Variants in KLHL32 observed in about 807,000 individuals in gnomAD.
KLHL32 encodes the protein kelch-like protein 32.
In KLHL32, 35 loss-of-function variants were observed where a neutral mutation model predicts 64.8. The ratio of observed to expected loss-of-function variants is 0.54; its 90% CI spans 0.41 to 0.72. KLHL32 has a LOEUF of 0.72. KLHL32 is among the 30% of genes least tolerant of loss of function. KLHL32 has a pLI of 0.00. For missense variants in KLHL32, 589 were observed against 768.5 expected (o/e 0.77, Z 2.76); for synonymous variants, 259 against 281.0 (o/e 0.92, Z 0.78).
chr6:96,932,002 A>T (rs1338528196), intron 1 of KLHL32, among the ~76,000 whole-genome samples: 3 of 152,080 alleles, frequency 2.0e-5, no homozygotes, highest in Admixed American at 1.3e-4. Flanking sequence ...TGAGTGGAGG[A>T]GATTTATTTT....
intron 1 of KLHL32, among the ~76,000 whole-genome samples, chr6:96,950,244 A>G (rs202232259): frequency 6.6e-6 from 1 of 151,728 alleles, no homozygotes; most frequent in East Asian, 1.9e-4. Context: ...AAAAAAAACC[A>G]TTAGCTCTCT....
At position 96,992,336 on chromosome 6, in the gene KLHL32, G is replaced by A. The variant is rs185536892; in HGVS notation, c.204+16159G>A. On this transcript the variant is annotated intron_variant, in intron 3 of 10. Transcript: ENST00000369261. ...TGTGGGGGGCCTCCCCTGGCTCTTC[G>A]CCTCTCCCCGGTGGGCAGTTGTCCT... 2.4e-3 allele frequency among the ~76,000 whole-genome samples: 364 copies of A among 152,314 alleles called. 1 individual carries two copies. Among genetic ancestry groups the A allele is most frequent in the African/African-American group, 8.5e-3 (354 of 41,574 alleles).
intron 3 of KLHL32, among the ~76,000 whole-genome samples, chr6:97,040,424 G>C (rs546126523): frequency 6.6e-6 from 1 of 152,144 alleles, no homozygotes; most frequent in South Asian, 2.1e-4. Flanking sequence ...TTGGAGAATT[G>C]GTTGGGGGCA....
chr6:96,994,504 G>A (rs1778215376), intron 3 of KLHL32: 10 of 985,160 alleles, frequency 1.0e-5, no homozygotes, highest in Non-Finnish European at 1.1e-5. Context: ...CTGATATTTG[G>A]CAGTTTATTT....
At chr6:97,070,038 T>TTA (rs1454851429) in intron 5 of KLHL32, among the ~76,000 whole-genome samples, 1 of 151,916 alleles carries the variant, frequency 6.6e-6, no homozygotes, top group Non-Finnish European at 1.5e-5. Flanking sequence ...TGAGGAGAAG[T>TTA]TATAACTCAT....
intron 3 of KLHL32, among the ~76,000 whole-genome samples, chr6:97,015,041 T>C (rs1290423291): frequency 6.6e-6 from 1 of 152,162 alleles, no homozygotes; most frequent in Non-Finnish European, 1.5e-5. Context: ...TGGGGCTCTT[T>C]TTCCTTCACT....
chr6:97,005,572 A>G (rs1779568733), intron 3 of KLHL32, among the ~76,000 whole-genome samples: 1 of 151,982 alleles, frequency 6.6e-6, no homozygotes, highest in Admixed American at 6.6e-5. Context: ...GTGTGATATT[A>G]GGTTGTTAAT....
chr6:97,024,017 C>T (rs1255622300), intron 3 of KLHL32, among the ~76,000 whole-genome samples: 2 of 152,164 alleles, frequency 1.3e-5, no homozygotes, highest in Non-Finnish European at 1.5e-5. Flanking sequence ...TAATTTGTCA[C>T]CTAAATCATA....
rs1283867347 is a variant in KLHL32, at chr6:97,064,731, G to T, written c.411+5G>T. ...TGCTCCCACTATCTCATCCAGGTAT[G>T]TGAGCTTGCATCCTGCTCATACACC... On this transcript the variant is annotated splice_donor_5th_base_variant and intron_variant, in intron 5 of 10. Transcript: ENST00000369261. The T allele has an allele frequency of 1.9e-6, 3 of 1,608,032 alleles. No homozygotes were observed. In the Admixed American group the frequency reaches 5.0e-5, roughly 27 times the overall value.
In KLHL32 at chr6:97,139,101, C is replaced by G; in HGVS notation, c.1702-20C>G. On this transcript the variant is annotated intron_variant, in intron 10 of 10. Transcript: ENST00000369261. ...GCAGTCATCTTTGATACACAAGCTT[C>G]TTCTCTTCCTCTTTTGTAGGTACTG... The G allele has an allele frequency of 6.3e-7, 1 of 1,599,188 alleles. No homozygotes were observed. The highest frequency in any genetic ancestry group is 8.5e-7 in the Non-Finnish European group (1 of 1,175,014).
Position 96,924,738 on chromosome 6 carries a change from G to C in KLHL32, c.-354G>C, listed in dbSNP as rs1260504695. On this transcript the variant is annotated 5_prime_UTR_variant, in exon 1 of 11. Coordinates refer to ENST00000369261, the MANE Select transcript of KLHL32 (RefSeq NM_052904.4). ...TGGCTAGGGCTTTTTATTTACTAGG[G>C]AGCAGTTTCCCCGCGCGACAGTTCG... 6.6e-6 allele frequency: 1 copy of C among 152,584 alleles called. No homozygotes were observed. The highest frequency in any genetic ancestry group is 1.5e-5 in the Non-Finnish European group (1 of 68,450). 9.5% of individuals were successfully genotyped at this position (152,584 alleles called of 1,614,324 possible).
intron 6 of KLHL32, among the ~76,000 whole-genome samples, chr6:97,096,451 G>T (rs149999146): frequency 6.6e-6 from 1 of 152,182 alleles, no homozygotes; most frequent in African/African-American, 2.4e-5. Context: ...CACTCCAAGC[G>T]TATATATTCC....
At chr6:97,065,683 A>G (rs1442620139) in intron 5 of KLHL32, among the ~76,000 whole-genome samples, 1 of 152,250 alleles carries the variant, frequency 6.6e-6, no homozygotes, top group Non-Finnish European at 1.5e-5. Context: ...ACATGATATT[A>G]GTGAGCAGAA....
At chr6:96,974,123 T>C (rs1775444052) in intron 2 of KLHL32, among the ~76,000 whole-genome samples, 1 of 152,156 alleles carries the variant, frequency 6.6e-6, no homozygotes, top group South Asian at 2.1e-4. Flanking sequence ...AGTTTTTCTA[T>C]CTGTAAAATA....
intron 1 of KLHL32, among the ~76,000 whole-genome samples, chr6:96,943,484 T>A (rs1771577936): frequency 6.6e-6 from 1 of 152,218 alleles, no homozygotes; most frequent in South Asian, 2.1e-4. Context: ...CCCCCAATGT[T>A]GGATAACTTC....
intron 4 of KLHL32, among the ~76,000 whole-genome samples, chr6:97,051,391 G>A (rs531600229): frequency 1.3e-5 from 2 of 152,246 alleles, no homozygotes; most frequent in South Asian, 4.2e-4. Context: ...ATTGTCATAG[G>A]TGGGGCAATA....
intron 4 of KLHL32, among the ~76,000 whole-genome samples, chr6:97,048,692 C>T (rs1622009): frequency 0.17 from 26,037 of 152,002 alleles, 2,591 homozygotes; most frequent in African/African-American, 0.29. Flanking sequence ...ATACTTTTCT[C>T]GGGAGACCTG....
intron 7 of KLHL32, 25 bp downstream of exon 7, chr6:97,114,534 TA>T: frequency 6.2e-7 from 1 of 1,610,770 alleles, no homozygotes; most frequent in Non-Finnish European, 8.5e-7. Flanking sequence ...ATGTTGGATT[TA>T]TCAAAACACA....
intron 9 of KLHL32, 111 bp downstream of exon 9, chr6:97,131,060 G>T: frequency 1.1e-6 from 1 of 882,838 alleles, no homozygotes; most frequent in Non-Finnish European, 1.7e-6. Flanking sequence ...AGTTGTAGAA[G>T]AACCTGCATT....
Sources: gnomAD v4.1 joint callset for allele counts (sites outside exome capture counted in the v4.1 genomes callset) on GRCh38, gnomAD v4.1.1 for gene constraint, MANE v1.5 for transcripts, NCBI Gene and HGNC (gene_info 2026-07-23, HGNC 2026-07-21) for gene names.